The following TAFA2 variants were observed in gnomAD, a reference collection of about 807,000 sequenced individuals.
TAFA2 encodes chemokine-like protein TAFA-2.
Under a neutral mutation model 18.8 loss-of-function variants are expected in TAFA2, and 7 were observed. The ratio of observed to expected loss-of-function variants is 0.37; its 90% CI spans 0.21 to 0.70. The LOEUF is 0.70. Ranked by LOEUF, TAFA2 falls within the 30% of genes least tolerant of loss-of-function variation. The pLI is 0.53. For missense variants in TAFA2, 122 were observed against 158.1 expected (o/e 0.77, Z 1.23); for synonymous variants, 60 against 54.2 (o/e 1.11, Z -0.47).
chr12:61,843,031 T>C (rs541141416), intron 2 of TAFA2, among the ~76,000 whole-genome samples: 66 of 151,964 alleles, frequency 4.3e-4, no homozygotes, highest in Non-Finnish European at 7.5e-4. Flanking sequence ...GAGGGGAAGT[T>C]GAGATGAATC....
Position 62,115,743 on chromosome 12 carries a change from C to G in TAFA2, c.-2+75516G>C, listed in dbSNP as rs184669850. Among the ~76,000 whole-genome samples the G allele has an allele frequency of 1.5e-3, 234 of 152,234 alleles. 5 individuals carry two copies. The highest frequency in any genetic ancestry group is 1.2e-3 in the Admixed American group (18 of 15,282). ...CAGGAAGGAGAAAGTGAATCTGATTCGCAAACTCTATTTATCTGCAGTGGT... is the reference window on the plus strand; with the variant it reads ...CAGGAAGGAGAAAGTGAATCTGATTGGCAAACTCTATTTATCTGCAGTGGT... On this transcript the variant is annotated intron_variant, in intron 1 of 4. Transcript: ENST00000416284.
intron 1 of TAFA2, among the ~76,000 whole-genome samples, chr12:62,178,142 A>C (rs1174291915): frequency 1.3e-5 from 2 of 152,128 alleles, no homozygotes; most frequent in African/African-American, 4.8e-5. Flanking sequence ...TCTATAAAAA[A>C]TTGAAAAATT....
intron 1 of TAFA2, among the ~76,000 whole-genome samples, chr12:62,085,073 G>C (rs1868397556): frequency 6.6e-6 from 1 of 152,126 alleles, no homozygotes; most frequent in Admixed American, 6.5e-5. Flanking sequence ...CCAGAAAAGA[G>C]AGAAACTGAT....
chr12:61,872,947 C>T (rs1874682176), intron 1 of TAFA2, among the ~76,000 whole-genome samples: 2 of 151,944 alleles, frequency 1.3e-5, no homozygotes. Flanking sequence ...CTATTTTATA[C>T]ATTTGTATAA....
intron 1 of TAFA2, among the ~76,000 whole-genome samples, chr12:61,933,357 G>C (rs561267648): frequency 6.6e-6 from 1 of 152,204 alleles, no homozygotes; most frequent in South Asian, 2.1e-4. Flanking sequence ...TGCTTGTCAT[G>C]AGGATTAAAT....
At position 62,059,137 on chromosome 12, in the gene TAFA2, A is replaced by ATGTGTG. The variant is rs779755647; in HGVS notation, c.-2+132121_-2+132122insCACACA. Among the ~76,000 whole-genome samples, 159 of 43,526 alleles carry ATGTGTG rather than the reference A, an allele frequency of 3.7e-3. 1 individual carries two copies. The highest frequency in any genetic ancestry group is 5.7e-3 in the Non-Finnish European group (129 of 22,810). 28.6% of individuals were successfully genotyped at this position (43,526 alleles called of 152,430 possible). A position where few individuals can be genotyped will look rare whatever the true frequency, so the allele number is the denominator to read the frequency against. On this transcript the variant is annotated intron_variant, in intron 1 of 4. Coordinates refer to ENST00000416284, the MANE Select transcript of TAFA2 (RefSeq NM_178539.5). ...AATAATAATATATATATATGTGTGT[A>ATGTGTG]TATGTGTGTGTGTGTGTGTGTGTGT...
At chr12:61,737,205 G>A (rs10877728) in intron 4 of TAFA2, among the ~76,000 whole-genome samples, 52,095 of 151,578 alleles carry the variant, frequency 0.34, 8,972 homozygotes, top group South Asian at 0.38. Context: ...ATTACCTAGT[G>A]TGCTCTTCAG....
chr12:62,159,011 T>C (rs772721581), intron 1 of TAFA2, among the ~76,000 whole-genome samples: 18 of 152,210 alleles, frequency 1.2e-4, no homozygotes, highest in Non-Finnish European at 2.2e-4. Context: ...ACAGGTATGA[T>C]AACAAAATCT....
intron 1 of TAFA2, among the ~76,000 whole-genome samples, chr12:62,132,285 G>T (rs1870718809): frequency 7.7e-6 from 1 of 129,364 alleles, no homozygotes. Context: ...ATTAAGAAAG[G>T]CCCACAGTTA....
At chr12:62,028,104 A>G (rs1292108191) in intron 1 of TAFA2, among the ~76,000 whole-genome samples, 1 of 152,148 alleles carries the variant, frequency 6.6e-6, no homozygotes, top group Admixed American at 6.6e-5. Flanking sequence ...AGAAGAAGAC[A>G]ATGTCTCTTG....
chr12:62,109,798 G>C (rs1160724686), intron 1 of TAFA2, among the ~76,000 whole-genome samples: 4 of 152,090 alleles, frequency 2.6e-5, no homozygotes, highest in African/African-American at 9.7e-5. Flanking sequence ...ATGGTGTATA[G>C]GAATGCCTGT....
chr12:61,930,181 AC>A (rs1877498022), intron 1 of TAFA2, among the ~76,000 whole-genome samples: 1 of 151,910 alleles, frequency 6.6e-6, no homozygotes, highest in South Asian at 2.1e-4. Flanking sequence ...TAAAAAGAAA[AC>A]GGGAAGAGAA....
chr12:62,106,236 A>T (rs1043418676), intron 1 of TAFA2, among the ~76,000 whole-genome samples: 2 of 152,088 alleles, frequency 1.3e-5, no homozygotes, highest in African/African-American at 4.8e-5. Flanking sequence ...CAAGAGGCTG[A>T]GGCAGAAAAA....
intron 1 of TAFA2, among the ~76,000 whole-genome samples, chr12:62,161,338 A>G (rs112246898): frequency 0.026 from 4,027 of 152,330 alleles, 187 homozygotes; most frequent in African/African-American, 0.09. Flanking sequence ...TAAAGAAAAT[A>G]TGGTGTCTAT....
At chr12:62,224,688 A>T (rs1363398205) in intron 1 of TAFA2, among the ~76,000 whole-genome samples, 1 of 152,108 alleles carries the variant, frequency 6.6e-6, no homozygotes. Context: ...TGGTTGCCAG[A>T]GGCTGGGGAA....
intron 1 of TAFA2, among the ~76,000 whole-genome samples, chr12:62,092,888 C>T (rs958141869): frequency 6.6e-6 from 1 of 151,930 alleles, no homozygotes; most frequent in Non-Finnish European, 1.5e-5. Flanking sequence ...ATTATCTTCT[C>T]CCAAATCCCA....
intron 1 of TAFA2, chr12:61,879,400 G>A (rs930547984): frequency 1.4e-6 from 1 of 728,624 alleles, no homozygotes; most frequent in Non-Finnish European, 2.4e-6. Flanking sequence ...CTACACGAGT[G>A]GTCCCGGTGC....
intron 1 of TAFA2, among the ~76,000 whole-genome samples, chr12:62,053,683 C>T (rs1347686837): frequency 2.6e-5 from 4 of 152,180 alleles, no homozygotes; most frequent in East Asian, 1.9e-4. Context: ...CCCCTTTTCG[C>T]TCCTTTACAA....
At chr12:62,100,703 C>T (rs576052016) in intron 1 of TAFA2, among the ~76,000 whole-genome samples, 5 of 152,332 alleles carry the variant, frequency 3.3e-5, no homozygotes, top group African/African-American at 9.6e-5. Flanking sequence ...AGGCACTCTG[C>T]ATGCAGTGAC....
Sources: allele counts gnomAD v4.1 joint callset (sites outside exome capture counted in the v4.1 genomes callset), GRCh38; gene constraint gnomAD v4.1.1; transcripts MANE v1.5; gene names NCBI Gene and HGNC (gene_info 2026-07-23, HGNC 2026-07-21).